TXNDC11: variants seen among roughly 807,000 people sequenced by gnomAD.
TXNDC11 encodes thioredoxin domain containing 11.
A neutral mutation model predicts 78.0 loss-of-function variants in TXNDC11; 68 were observed. The observed-to-expected ratio is 0.87, with a 90% CI of 0.72 to 1.07. TXNDC11 has a LOEUF of 1.07. Ranked by LOEUF, TXNDC11 falls within the 50% of genes least tolerant of loss-of-function variation. The probability of loss-of-function intolerance (pLI) is 0.00; values close to 1 mark genes in which losing one functional copy is unlikely to be tolerated. For synonymous variants in TXNDC11, 571 were observed against 495.2 expected, an observed-to-expected ratio of 1.15 and a Z score of -2.03; for missense variants, 1,389 against 1,221.8, an observed-to-expected ratio of 1.14 and a Z score of -2.04.
intron 5 of TXNDC11, among the ~76,000 whole-genome samples, chr16:11,717,146 C>G (rs1311171511): frequency 6.7e-6 from 1 of 150,194 alleles, no homozygotes; most frequent in Admixed American, 6.6e-5. Context: ...AACCAGAAGG[C>G]CAGGCGCAGT....
intron 5 of TXNDC11, among the ~76,000 whole-genome samples, chr16:11,705,649 T>G (rs1055060601): frequency 6.6e-6 from 1 of 152,230 alleles, no homozygotes; most frequent in Non-Finnish European, 1.5e-5. Flanking sequence ...TTAATAAGAA[T>G]GGACAGTCTG....
At chr16:11,700,614 C>A in intron 5 of TXNDC11, 50 bp from the exon 6 acceptor site, 1 of 900,270 alleles carries the variant, frequency 1.1e-6, no homozygotes. Flanking sequence ...TGCCTTAAAA[C>A]AACCACAAAA....
chr16:11,729,574 T>C (rs945412788), intron 4 of TXNDC11, among the ~76,000 whole-genome samples: 3 of 152,190 alleles, frequency 2.0e-5, no homozygotes, highest in Non-Finnish European at 4.4e-5. Flanking sequence ...CTAGCCACAA[T>C]TCTAAACTGT....
At chr16:11,732,303 C>T (rs1284267085) in intron 3 of TXNDC11, among the ~76,000 whole-genome samples, 1 of 152,166 alleles carries the variant, frequency 6.6e-6, no homozygotes, top group African/African-American at 2.4e-5. Flanking sequence ...TTTAATGTCA[C>T]ATCACGTTAT....
intron 11 of TXNDC11, among the ~76,000 whole-genome samples, chr16:11,683,813 G>A (rs1022143808): frequency 2.8e-5 from 4 of 144,432 alleles, no homozygotes; most frequent in African/African-American, 1.0e-4. Context: ...GTGCAGTGGT[G>A]TGATCTTGGC....
intron 8 of TXNDC11, 136 bp from the exon 9 acceptor site, chr16:11,688,581 A>C: frequency 1.4e-6 from 1 of 740,168 alleles, no homozygotes; most frequent in South Asian, 2.3e-5. Context: ...TATCAGCAAA[A>C]CCCCAAACAA....
chr16:11,721,824 A>G (rs2051716582), intron 4 of TXNDC11, among the ~76,000 whole-genome samples, 154 bp from the exon 5 acceptor site: 1 of 152,224 alleles, frequency 6.6e-6, no homozygotes, highest in African/African-American at 2.4e-5. Context: ...TAAAAATTTC[A>G]GGTTGGGGTT....
intron 10 of TXNDC11, among the ~76,000 whole-genome samples, chr16:11,686,148 G>A (rs1227535972): frequency 6.6e-6 from 1 of 152,152 alleles, no homozygotes; most frequent in African/African-American, 2.4e-5. Context: ...AGTAGAGACA[G>A]GTTTTCACTA....
intron 4 of TXNDC11, among the ~76,000 whole-genome samples, chr16:11,727,953 C>T (rs888352907): frequency 2.6e-5 from 4 of 152,078 alleles, no homozygotes; most frequent in African/African-American, 7.2e-5. Flanking sequence ...AAGGGTGCTA[C>T]CAACATCTAG....
At chr16:11,680,584 T>G (rs1300790877) in intron 11 of TXNDC11, among the ~76,000 whole-genome samples, 2 of 152,234 alleles carry the variant, frequency 1.3e-5, no homozygotes, top group Non-Finnish European at 2.9e-5. Context: ...AATCGTCTGA[T>G]GATGTTTCTC....
intron 10 of TXNDC11, among the ~76,000 whole-genome samples, chr16:11,685,838 C>A (rs1417576145): frequency 1.3e-5 from 2 of 152,204 alleles, no homozygotes; most frequent in South Asian, 2.1e-4. Context: ...CTTTTTCTCA[C>A]TTGATTCTTA....
chr16:11,717,088 T>C (rs1379673899), intron 5 of TXNDC11, among the ~76,000 whole-genome samples: 1 of 141,712 alleles, frequency 7.1e-6, no homozygotes, highest in Non-Finnish European at 1.5e-5. Context: ...AATAAACTAA[T>C]ATAGTCATCA....
Position 11,679,764 on chromosome 16 carries a change from G to A in TXNDC11, c.2308C>T (p.His770Tyr). Residue 770 changes from histidine (H) to tyrosine (Y), a missense_variant, in exon 12 of 12, where the codon CAC becomes TAC. Coordinates refer to ENST00000283033, the MANE Select transcript of TXNDC11 (RefSeq NM_015914.7). The surrounding 1 kb of genome is among the most constrained non-coding windows in gnomAD (Gnocchi z 4.6). ...TGGGGGCTGGAAGCAGGGTCTGAGT[G>A]ATGCAAAATGAACCTCAACAGGTTT... ...LPNLLRFILH[H>Y]SDPASSPQNV... The A allele has an allele frequency of 6.2e-7, 1 of 1,614,164 alleles. No individual in the cohort carries two copies. The highest frequency in any genetic ancestry group is 8.5e-7 in the Non-Finnish European group (1 of 1,180,014).
At chr16:11,706,332 T>C (rs577760176) in intron 5 of TXNDC11, among the ~76,000 whole-genome samples, 3 of 152,310 alleles carry the variant, frequency 2.0e-5, no homozygotes, top group Admixed American at 6.5e-5. Context: ...CACTCACCCC[T>C]CAGGGAGGGA....
At chr16:11,695,068 G>A (rs1007473927) in intron 7 of TXNDC11, among the ~76,000 whole-genome samples, 3 of 152,224 alleles carry the variant, frequency 2.0e-5, no homozygotes, top group Non-Finnish European at 2.9e-5. Flanking sequence ...AACAAGTCAC[G>A]AAGACTCTTT....
intron 11 of TXNDC11, among the ~76,000 whole-genome samples, chr16:11,681,077 T>A (rs963715579): frequency 5.9e-5 from 9 of 152,056 alleles, no homozygotes; most frequent in Non-Finnish European, 1.2e-4. Flanking sequence ...GAGCCTGAGG[T>A]GGGAGGATCA....
At chr16:11,685,232 T>A (rs950541255) in intron 10 of TXNDC11, among the ~76,000 whole-genome samples, 6 of 152,162 alleles carry the variant, frequency 3.9e-5, no homozygotes, top group African/African-American at 1.4e-4. Context: ...GGCACATGCC[T>A]GTAGTCCCAG....
In TXNDC11 at chr16:11,733,284, A is replaced by G. The variant is rs1023423675; in HGVS notation, c.569+698T>C. Among the ~76,000 whole-genome samples the G allele has an allele frequency of 3.9e-4, 59 of 151,904 alleles. 2 individuals carry two copies. Among genetic ancestry groups the G allele is most frequent in the Non-Finnish European group, 4.4e-5 (3 of 67,986 alleles). On this transcript the variant is annotated intron_variant, in intron 3 of 11. Transcript: ENST00000283033. ...AATAAAATAAAATAAAATAAGATAA[A>G]ATAAAACTCTTTCCGTTTTTCAGCC...
intron 5 of TXNDC11, among the ~76,000 whole-genome samples, chr16:11,707,502 A>G (rs2051218110): frequency 6.6e-6 from 1 of 151,622 alleles, no homozygotes; most frequent in African/African-American, 2.4e-5. Flanking sequence ...AGCCTGCAGT[A>G]AAGTGGCCCA....
Sources: allele counts gnomAD v4.1 joint callset (sites outside exome capture counted in the v4.1 genomes callset), GRCh38; gene constraint gnomAD v4.1.1; non-coding constraint Gnocchi (gnomAD v3.1); transcripts MANE v1.5; gene names NCBI Gene and HGNC (gene_info 2026-07-23, HGNC 2026-07-21).